SENP3: variants seen among roughly 807,000 people sequenced by gnomAD.
SENP3 encodes SUMO specific peptidase 3.
SENP3 carries 11 observed loss-of-function variants against 66.2 expected under a neutral mutation model. That is an observed-to-expected ratio of 0.17 (90% confidence interval 0.10 to 0.28). SENP3 has a LOEUF of 0.28. Among genes scored for constraint, SENP3 ranks in the 10% least tolerant of loss-of-function variants. The probability of loss-of-function intolerance (pLI) is 1.00; values close to 1 mark genes in which losing one functional copy is unlikely to be tolerated. For missense variants in SENP3, 548 were observed against 743.7 expected, an observed-to-expected ratio of 0.74 and a Z score of 3.06; for synonymous variants, 292 against 277.6, an observed-to-expected ratio of 1.05 and a Z score of -0.52.
chr17:7,570,516 T>C lies in SENP3; in HGVS notation c.1479+23T>C. 6.2e-7 allele frequency: 1 copy of C among 1,605,492 alleles called. No individual in the cohort carries two copies. The highest frequency in any genetic ancestry group is 1.3e-5 in the African/African-American group (1 of 74,838). ...AAGGTTTGAGGGGGTAGGAGAGAGATGGGCAAAATGTGGGGCGGTGCAGTG... is the reference window on the plus strand; with the variant it reads ...AAGGTTTGAGGGGGTAGGAGAGAGACGGGCAAAATGTGGGGCGGTGCAGTG... On this transcript the variant is annotated intron_variant, in intron 8 of 10. Transcript: ENST00000321337. The surrounding 1 kb of genome is among the most constrained non-coding windows in gnomAD (Gnocchi z 5.4).
At chr17:7,569,939 GTAC>G (rs1357798025) in intron 7 of SENP3, among the ~76,000 whole-genome samples, 2 of 152,168 alleles carry the variant, frequency 1.3e-5, no homozygotes, top group Non-Finnish European at 2.9e-5. Context: ...TGAGGTGTAG[GTAC>G]TACTATTTAC....
chr17:7,564,345 G>A (rs575865550), intron 2 of SENP3: 315 of 571,374 alleles, frequency 5.5e-4, no homozygotes, highest in Non-Finnish European at 8.5e-4. Flanking sequence ...GCATATAGTG[G>A]TGACAAATAT....
rs774437380 is a variant in SENP3 at position 7,563,093 on chromosome 17, A to T, written c.17A>T (p.Gln6Leu). Residue 6 changes from glutamine to leucine, a missense_variant, in exon 2 of 11, where the codon CAA becomes CTA. Transcript: ENST00000321337. MKETI[Q>L]GTGSWGPEPP... ...TACTGGAAGATGAAAGAGACTATAC[A>T]AGGGACCGGGTCCTGGGGGCCTGAG... 6.6e-7 allele frequency: 1 copy of T among 1,514,004 alleles called. No individual in the cohort carries two copies. The highest frequency in any genetic ancestry group is 8.8e-7 in the Non-Finnish European group (1 of 1,133,314). 93.8% of individuals were successfully genotyped at this position (1,514,004 alleles called of 1,614,324 possible).
chr17:7,565,477 C>T lies in SENP3; in HGVS notation c.1105C>T (p.Arg369Trp), dbSNP rs1345317238. 1.1e-5 allele frequency: 18 copies of T among 1,613,792 alleles called. No individual in the cohort carries two copies. Among genetic ancestry groups the T allele is most frequent in the East Asian group, 2.2e-5 (1 of 44,890 alleles). The change falls in exon 5 of 11, where the codon CGG becomes TGG. Residue 369 changes from arginine (R) to tryptophan (W), a missense_variant. This residue lies in a region of SENP3 where 72 missense variants were observed against 137.9 expected (regional missense o/e 0.52). Transcript: ENST00000321337. ...LVLQLIQSYQ[R>W]MPGNAMVRGF... ...GTTGCAGCTGATCCAGTCTTACCAGCGGATGCCAGGCAATGCCATGGTGAG... is the reference window on the plus strand; with the variant it reads ...GTTGCAGCTGATCCAGTCTTACCAGTGGATGCCAGGCAATGCCATGGTGAG...
Position 7,564,692 on chromosome 17 carries a change from G to A in SENP3, c.783G>A (p.Leu261=). 6.2e-7 allele frequency: 1 copy of A among 1,614,042 alleles called. No homozygotes were observed. Among genetic ancestry groups the A allele is most frequent in the South Asian group, 1.1e-5 (1 of 91,088 alleles). ...CTGGGCCAGAAGGGGAGCGCAGCTT[G>A]GCACCCCCTGATGCCAGCATCCTCA... ...GQSGPEGERS[L]APPDASILIS... Residue 261 remains leucine, a synonymous_variant, in exon 3 of 11, where the codon TTG becomes TTA. Transcript: ENST00000321337.
In SENP3 at chr17:7,570,870, T is replaced by A. The variant is rs375549203; in HGVS notation, c.1564-13T>A. On this transcript the variant is annotated splice_polypyrimidine_tract_variant and intron_variant, in intron 9 of 10. Coordinates refer to ENST00000321337, the MANE Select transcript of SENP3 (RefSeq NM_015670.6). The surrounding 1 kb of genome is among the most constrained non-coding windows in gnomAD (Gnocchi z 5.4). ...TCTCCATGTGAAGGGCCTGCTTTCTTTCTCTTCTCTAGAATGTGGCCAGGC... is the reference window on the plus strand; with the variant it reads ...TCTCCATGTGAAGGGCCTGCTTTCTATCTCTTCTCTAGAATGTGGCCAGGC... The A allele has an allele frequency of 5.0e-5, 81 of 1,612,482 alleles. No individual in the cohort carries two copies. Among genetic ancestry groups the A allele is most frequent in the Non-Finnish European group, 6.3e-5 (74 of 1,179,242 alleles).
rs2071260917 is a variant in SENP3 at position 7,565,539 on chromosome 17, C to T, written c.1167C>T (p.Thr389=). The change falls in exon 5 of 11, where the codon ACC becomes ACT. Residue 389 remains threonine, a synonymous_variant. Coordinates refer to ENST00000321337, the MANE Select transcript of SENP3 (RefSeq NM_015670.6). ...TGGCTTATAAGCGGCACGTGCTGAC[C>T]ATGGATGACTTGGGGACCTTGTATG... is the stretch of plus-strand genomic sequence containing the variant. ...FRVAYKRHVL[T]MDDLGTLYGQ... 6.2e-7 allele frequency: 1 copy of T among 1,613,770 alleles called. No individual in the cohort carries two copies.
At position 7,563,614 on chromosome 17, in the gene SENP3, C is replaced by T. The variant is rs752455114; in HGVS notation, c.538C>T (p.Pro180Ser). Residue 180 changes from proline (P) to serine (S), a missense_variant, in exon 2 of 11, where the codon CCA becomes TCA. This residue lies in a region of SENP3 where 215 missense variants were observed against 230.7 expected (regional missense o/e 0.93). Coordinates refer to ENST00000321337, the MANE Select transcript of SENP3 (RefSeq NM_015670.6). ...PQQGGATPQV[P>S]SPCCRFDSPR... is the part of the protein sequence containing the mutation. The stretch of plus-strand genomic sequence containing the variant: ...GCAAGGGGGTGCGACGCCACAGGTG[C>T]CATCCCCCTGTTGTCGTTTTGACTC... 20 of 1,594,210 alleles carry T rather than the reference C, an allele frequency of 1.3e-5. No individual in the cohort carries two copies. In the East Asian group the frequency reaches 3.2e-4, roughly 25 times the overall value.
intron 2 of SENP3, among the ~76,000 whole-genome samples, chr17:7,564,015 A>C (rs2071246794): frequency 6.6e-6 from 1 of 152,196 alleles, no homozygotes; most frequent in African/African-American, 2.4e-5. Context: ...GCTAGGAAAC[A>C]GATGCCCTAA....
At chr17:7,569,855 G>A (rs1423498350) in intron 7 of SENP3, among the ~76,000 whole-genome samples, 1 of 152,180 alleles carries the variant, frequency 6.6e-6, no homozygotes, top group Non-Finnish European at 1.5e-5. Flanking sequence ...CATTAACTGC[G>A]TGTTTACTTT....
In SENP3 at chr17:7,571,875, A is replaced by T. The variant is rs1203066466; in HGVS notation, c.*392A>T. On this transcript the variant is annotated 3_prime_UTR_variant, in exon 11 of 11. Coordinates refer to ENST00000321337, the MANE Select transcript of SENP3 (RefSeq NM_015670.6). ...TATATATATATATATATATATATAT[A>T]TATATATATATATATATATATATAT... 1.1e-3 allele frequency: 11 copies of T among 10,042 alleles called. 1 individual carries two copies. Among genetic ancestry groups the T allele is most frequent in the Admixed American group, 2.6e-3 (3 of 1,170 alleles). 0.6% of individuals were successfully genotyped at this position (10,042 alleles called of 1,614,324 possible).
chr17:7,566,986 GA>G lies in SENP3; in HGVS notation c.1327del (p.Arg443GlyfsTer15). 1.3e-6 allele frequency: 2 copies of G among 1,567,278 alleles called. No homozygotes were observed. Among genetic ancestry groups the G allele is most frequent in the Non-Finnish European group, 8.7e-7 (1 of 1,154,182 alleles). ...KLRTKGYDGV[K>X]RWTKNVDIFN... ...TCCGTACCAAGGGTTATGATGGGGTGAAAAGGTGGACCAAAAACGTGAGTTT... is the reference window on the plus strand; with the variant it reads ...TCCGTACCAAGGGTTATGATGGGGTGAAAGGTGGACCAAAAACGTGAGTTT... On this transcript the variant is annotated frameshift_variant, in exon 7 of 11. Coordinates refer to ENST00000321337, the MANE Select transcript of SENP3 (RefSeq NM_015670.6). LOFTEE classifies it high-confidence loss of function.
chr17:7,568,863 G>A (rs1297548755), intron 7 of SENP3, among the ~76,000 whole-genome samples: 1 of 152,202 alleles, frequency 6.6e-6, no homozygotes, highest in Non-Finnish European at 1.5e-5. Context: ...AAACAACCTG[G>A]GGCTTAGGAC....
chr17:7,563,914 C>G (rs1040606482), intron 2 of SENP3, 123 bp downstream of exon 2: 2 of 843,472 alleles, frequency 2.4e-6, no homozygotes, highest in East Asian at 2.8e-5. Flanking sequence ...GGAAGAGTGC[C>G]GGCTCCAGAA....
In SENP3 at chr17:7,562,351, C is replaced by T; in HGVS notation, c.-12+88C>T. ...TCCCACCGAACCGGGGCCCAGAGGC[C>T]CGCATAGGGGCTTCTTAAGGCCCGT... On this transcript the variant is annotated intron_variant, in intron 1 of 10. Transcript: ENST00000321337. The surrounding 1 kb of genome is among the most constrained non-coding windows in gnomAD (Gnocchi z 5.0). 1 of 396,172 alleles carries T rather than the reference C, an allele frequency of 2.5e-6. No individual in the cohort carries two copies. Among genetic ancestry groups the T allele is most frequent in the Non-Finnish European group, 4.4e-6 (1 of 224,832 alleles). The allele number at this position is 396,172 out of a possible 1,614,324, so 24.5% of individuals were successfully genotyped here.
At position 7,565,049 on chromosome 17, in the gene SENP3, A is replaced by T; in HGVS notation, c.1046A>T (p.Gln349Leu). 1.5e-5 allele frequency: 24 copies of T among 1,613,368 alleles called. 1 individual carries two copies. The highest frequency in any genetic ancestry group is 2.0e-5 in the Non-Finnish European group (24 of 1,179,318). The change falls in exon 4 of 11, where the codon CAG (glutamine) becomes CTG (leucine). Residue 349 changes from glutamine (Q) to leucine (L), a missense_variant. Transcript: ENST00000321337. ...VVEKLEDIFQQEFSTPSRKGL... is the reference protein window; with the variant it reads ...VVEKLEDIFQLEFSTPSRKGL... Reference sequence around the variant, plus strand: ...GAGAAGCTGGAGGACATTTTCCAGCAGGAGTTTTCCACCCCTTCCAGGTGA... The same window carrying T: ...GAGAAGCTGGAGGACATTTTCCAGCTGGAGTTTTCCACCCCTTCCAGGTGA...
intron 6 of SENP3, among the ~76,000 whole-genome samples, chr17:7,566,304 T>G: frequency 7.2e-6 from 1 of 139,476 alleles, no homozygotes. Context: ...TCCACGCCAT[T>G]GCACTCCCGC....
chr17:7,566,123 C>T (rs1301549151), intron 6 of SENP3: 3 of 188,646 alleles, frequency 1.6e-5, no homozygotes, highest in African/African-American at 7.1e-5. Context: ...GGGTGGATCA[C>T]CTGAGGTCGG....
chr17:7,567,053 A>G, intron 7 of SENP3, 49 bp downstream of exon 7: 1 of 1,203,778 alleles, frequency 8.3e-7, no homozygotes, highest in Non-Finnish European at 1.2e-6. Flanking sequence ...CCTCTAAAGA[A>G]TGAGAGTCTT....
Sources: allele counts gnomAD v4.1 joint callset (sites outside exome capture counted in the v4.1 genomes callset), GRCh38; gene constraint gnomAD v4.1.1; regional missense constraint gnomAD v4.1.1; non-coding constraint Gnocchi (gnomAD v3.1); transcripts MANE v1.5; gene names NCBI Gene and HGNC (gene_info 2026-07-23, HGNC 2026-07-21).